NTN4: variants seen among roughly 807,000 people sequenced by gnomAD.
The protein encoded by NTN4 is netrin 4.
A neutral mutation model predicts 73.6 loss-of-function variants in NTN4; 32 were observed. The observed-to-expected ratio is 0.44, with a 90% confidence interval of 0.33 to 0.58. The LOEUF is 0.58. Among genes scored for constraint, NTN4 ranks in the 20% least tolerant of loss-of-function variants. The probability of loss-of-function intolerance (pLI) is 0.04; values close to 1 mark genes in which losing one functional copy is unlikely to be tolerated. For synonymous variants in NTN4, 258 were observed against 287.5 expected, an observed-to-expected ratio of 0.90 and a Z score of 1.04; for missense variants, 654 against 798.3, an observed-to-expected ratio of 0.82 and a Z score of 2.18.
rs187720738 is a variant in NTN4, at chr12:95,751,760, T to A, written c.586-13616A>T. Among the ~76,000 whole-genome samples the A allele has an allele frequency of 8.7e-5, 13 of 148,652 alleles. 1 individual carries two copies. The East Asian group carries it at 1.8e-3, about 20-fold the overall frequency. The stretch of plus-strand genomic sequence containing the variant: ...TCCCCTTCTTAATCTATACGGAGGC[T>A]ACCCACTCCACATTACCTTCTTTTC... On this transcript the variant is annotated intron_variant, in intron 2 of 9. Transcript: ENST00000343702.
At chr12:95,763,248 A>C (rs1020350787) in intron 2 of NTN4, among the ~76,000 whole-genome samples, 9 of 151,398 alleles carry the variant, frequency 5.9e-5, no homozygotes, top group Middle Eastern at 3.2e-3. Flanking sequence ...AAGAATTTTT[A>C]ATAATCAAAA....
At chr12:95,784,573 C>T (rs1035268315) in intron 2 of NTN4, among the ~76,000 whole-genome samples, 1 of 152,026 alleles carries the variant, frequency 6.6e-6, no homozygotes, top group Admixed American at 6.6e-5. Context: ...TCAAGACCAG[C>T]CTGGCCAAAA....
At chr12:95,664,410 A>C (rs994709473) in intron 9 of NTN4, among the ~76,000 whole-genome samples, 1 of 152,124 alleles carries the variant, frequency 6.6e-6, no homozygotes, top group African/African-American at 2.4e-5. Flanking sequence ...TTCCTTATTA[A>C]AATCTAAATT....
chr12:95,682,055 GGC>G (rs2078320009), intron 7 of NTN4, among the ~76,000 whole-genome samples: 4 of 46,532 alleles, frequency 8.6e-5, no homozygotes, highest in African/African-American at 1.2e-4. Context: ...ATATTCAGTA[GGC>G]TTTTTTTTTT....
intron 7 of NTN4, chr12:95,672,576 A>C (rs2078241414): frequency 1.3e-6 from 2 of 1,523,318 alleles, no homozygotes; most frequent in Non-Finnish European, 9.0e-7. Context: ...AATGAGCGGC[A>C]CTATGGGGGT....
chr12:95,759,318 G>A (rs1487491094), intron 2 of NTN4, among the ~76,000 whole-genome samples: 7 of 151,726 alleles, frequency 4.6e-5, no homozygotes, highest in South Asian at 2.1e-4. Flanking sequence ...TTTAGACTCC[G>A]ATTACTTGAA....
At chr12:95,753,502 C>T (rs55784519) in intron 2 of NTN4, among the ~76,000 whole-genome samples, 66,356 of 124,748 alleles carry the variant, frequency 0.53, 18,602 homozygotes, top group East Asian at 0.66. Context: ...CCACAGTCAT[C>T]TCTTCCCTTC....
intron 2 of NTN4, among the ~76,000 whole-genome samples, chr12:95,758,223 T>C (rs542451400): frequency 6.6e-6 from 1 of 152,352 alleles, no homozygotes; most frequent in African/African-American, 2.4e-5. Context: ...TTAGTTGCTA[T>C]ACCTCCTCTC....
chr12:95,686,517 G>A (rs1453514988), intron 5 of NTN4, among the ~76,000 whole-genome samples: 2 of 151,540 alleles, frequency 1.3e-5, no homozygotes, highest in Admixed American at 6.6e-5. Flanking sequence ...CCTGCACGTT[G>A]GGCGGCTGAG....
chr12:95,776,830 G>C (rs998884569), intron 2 of NTN4, among the ~76,000 whole-genome samples: 1 of 152,030 alleles, frequency 6.6e-6, no homozygotes, highest in Non-Finnish European at 1.5e-5. Context: ...GATACTCCTC[G>C]AGAAGAGCAA....
intron 2 of NTN4, among the ~76,000 whole-genome samples, chr12:95,744,381 C>T (rs2078846989): frequency 6.6e-6 from 1 of 152,080 alleles, no homozygotes; most frequent in Non-Finnish European, 1.5e-5. Context: ...TTTAACTTAG[C>T]TATATCTTTA....
chr12:95,765,575 T>C (rs1288696247), intron 2 of NTN4, among the ~76,000 whole-genome samples: 1 of 152,204 alleles, frequency 6.6e-6, no homozygotes, highest in African/African-American at 2.4e-5. Flanking sequence ...ACGTTAGTTG[T>C]CTGGGCTTTA....
rs1420413865 is a variant in NTN4, at chr12:95,659,101, T to G, written c.1872A>C (p.Lys624Asn). 6 of 1,612,644 alleles carry G rather than the reference T, an allele frequency of 3.7e-6. No homozygotes were observed. The highest frequency in any genetic ancestry group is 4.5e-5 in the East Asian group (2 of 44,844). ...SLGRKVMDIL[K>N]RECK The stretch of plus-strand genomic sequence containing the variant: ...CATCTTAATGCTACTTGCACTCTCT[T>G]TTTAAAATATCCATGACTTTTCTTC... Residue 624 changes from lysine (K) to asparagine (N), a missense_variant, in exon 10 of 10, where the codon AAA becomes AAC. Transcript: ENST00000343702.
At chr12:95,756,837 AT>A (rs1364677320) in intron 2 of NTN4, among the ~76,000 whole-genome samples, 2 of 151,536 alleles carry the variant, frequency 1.3e-5, no homozygotes, top group African/African-American at 4.8e-5. Context: ...GCTGTTGCCC[AT>A]GCTATTCCCC....
intron 2 of NTN4, among the ~76,000 whole-genome samples, chr12:95,776,930 A>T (rs1464433644): frequency 6.6e-6 from 1 of 152,228 alleles, no homozygotes; most frequent in African/African-American, 2.4e-5. Flanking sequence ...GGTTACCCAC[A>T]AAGGGAAGTC....
At chr12:95,750,820 C>A (rs1428436055) in intron 2 of NTN4, among the ~76,000 whole-genome samples, 1 of 152,210 alleles carries the variant, frequency 6.6e-6, no homozygotes, top group Non-Finnish European at 1.5e-5. Flanking sequence ...CTCTGCTTCT[C>A]CACCCTATAA....
intron 3 of NTN4, among the ~76,000 whole-genome samples, chr12:95,716,750 C>A (rs2078608434): frequency 6.6e-6 from 1 of 152,060 alleles, no homozygotes; most frequent in Non-Finnish European, 1.5e-5. Flanking sequence ...CCAGTTACAT[C>A]AGCATGTTAA....
intron 3 of NTN4, among the ~76,000 whole-genome samples, chr12:95,729,366 T>G (rs1291056660): frequency 6.6e-6 from 1 of 152,090 alleles, no homozygotes; most frequent in African/African-American, 2.4e-5. Flanking sequence ...GCTAAAAAGA[T>G]GCCAAATTAG....
chr12:95,689,805 A>AAAGC (rs1408798391), intron 5 of NTN4, among the ~76,000 whole-genome samples: 1 of 152,168 alleles, frequency 6.6e-6, no homozygotes, highest in African/African-American at 2.4e-5. Flanking sequence ...CTTTCTTTGT[A>AAAGC]ACCCTCCAGT....
Sources: gnomAD v4.1 joint callset for allele counts (sites outside exome capture counted in the v4.1 genomes callset) on GRCh38, gnomAD v4.1.1 for gene constraint, MANE v1.5 for transcripts, NCBI Gene and HGNC (gene_info 2026-07-23, HGNC 2026-07-21) for gene names.